GFRA2: variants seen among roughly 807,000 people sequenced by gnomAD.
GFRA2 encodes GDNF family receptor alpha 2.
GFRA2 carries 17 observed loss-of-function variants against 48.3 expected under a neutral mutation model. That is an observed-to-expected ratio of 0.35 (90% CI 0.24 to 0.53). The LOEUF is 0.53. Among genes scored for constraint, GFRA2 ranks in the 20% least tolerant of loss-of-function variants. The pLI is 0.93. For missense variants in GFRA2, 660 were observed against 637.3 expected (o/e 1.04, Z -0.38); for synonymous variants, 305 against 257.2 (o/e 1.19, Z -1.78).
chr8:21,756,017 T>A (rs942279055), intron 3 of GFRA2, among the ~76,000 whole-genome samples: 7 of 152,174 alleles, frequency 4.6e-5, no homozygotes, highest in Admixed American at 1.3e-4. Context: ...GGCTGGCTGC[T>A]GGCTGGAGGA....
intron 4 of GFRA2, among the ~76,000 whole-genome samples, chr8:21,736,939 A>C (rs1035449971): frequency 3.1e-5 from 2 of 64,590 alleles, no homozygotes; most frequent in Admixed American, 1.8e-4. Context: ...AGGAGAGGGG[A>C]GGGGAGGGGA....
intron 2 of GFRA2, among the ~76,000 whole-genome samples, chr8:21,804,206 AC>A (rs1807819181): frequency 6.6e-6 from 1 of 151,498 alleles, no homozygotes; most frequent in Non-Finnish European, 1.5e-5. Context: ...ACATGCACAC[AC>A]ACACACACAC....
chr8:21,800,667 G>C (rs1356162092), intron 2 of GFRA2, among the ~76,000 whole-genome samples: 4 of 152,218 alleles, frequency 2.6e-5, no homozygotes, highest in African/African-American at 9.6e-5. Context: ...GCTCACGCCT[G>C]TAATCCCAGT....
At chr8:21,801,412 C>G (rs17141514) in intron 2 of GFRA2, among the ~76,000 whole-genome samples, 17,033 of 152,168 alleles carry the variant, frequency 0.11, 1,236 homozygotes, top group African/African-American at 0.21. Context: ...ACAATGTCAT[C>G]TGCTCAGCAG....
In GFRA2 at chr8:21,709,503, C is replaced by T. The variant is rs1164393157; in HGVS notation, c.795-3462G>A. 2.0e-5 allele frequency among the ~76,000 whole-genome samples: 3 copies of T among 152,358 alleles called. No homozygotes were observed. In the East Asian group the frequency reaches 5.8e-4, roughly 29 times the overall value. ...CCTTTCTCCAAATACACATCGAGCC[C>T]TGCCGCGTGGCTAACAGACAAAAGA... is the stretch of plus-strand genomic sequence containing the variant. On this transcript the variant is annotated intron_variant, in intron 4 of 8. Transcript: ENST00000524240.
intron 4 of GFRA2, among the ~76,000 whole-genome samples, chr8:21,729,739 C>A (rs1804087311): frequency 1.3e-5 from 2 of 152,292 alleles, no homozygotes; most frequent in East Asian, 1.9e-4. Context: ...AATCCGCACA[C>A]TGAGTCTCCC....
At chr8:21,808,593 T>C (rs1445187587) in intron 1 of GFRA2, among the ~76,000 whole-genome samples, 1 of 152,174 alleles carries the variant, frequency 6.6e-6, no homozygotes, top group East Asian at 1.9e-4. Context: ...CCAGCGCAGG[T>C]CCAGGCACAA....
intron 3 of GFRA2, among the ~76,000 whole-genome samples, chr8:21,756,673 C>T (rs1244443329): frequency 9.9e-5 from 15 of 152,226 alleles, no homozygotes; most frequent in Non-Finnish European, 2.2e-4. Context: ...ACAAACCTCA[C>T]CTACCAAGAC....
chr8:21,770,094 A>C (rs1806373040), intron 3 of GFRA2, among the ~76,000 whole-genome samples: 2 of 151,984 alleles, frequency 1.3e-5, no homozygotes, highest in African/African-American at 4.8e-5. Context: ...GGCCGTCCCC[A>C]CCCAAGACTC....
At chr8:21,782,332 A>C (rs1585337421) in intron 2 of GFRA2, among the ~76,000 whole-genome samples, 3 of 50,710 alleles carry the variant, frequency 5.9e-5, no homozygotes, top group Non-Finnish European at 1.1e-4. Flanking sequence ...TCCTCCTCCC[A>C]CCACCTCCCT....
At chr8:21,705,379 G>A (rs1365679652) in intron 5 of GFRA2, among the ~76,000 whole-genome samples, 1 of 152,166 alleles carries the variant, frequency 6.6e-6, no homozygotes, top group Non-Finnish European at 1.5e-5. Flanking sequence ...CAGAGAAGAT[G>A]CCCTGGAGCC....
chr8:21,726,987 T>G (rs549406132), intron 4 of GFRA2, among the ~76,000 whole-genome samples: 68 of 152,254 alleles, frequency 4.5e-4, no homozygotes, highest in Non-Finnish European at 7.6e-4. Flanking sequence ...CCTGACCTCG[T>G]GATCCACCTG....
intron 4 of GFRA2, among the ~76,000 whole-genome samples, chr8:21,736,076 C>G (rs1180456828): frequency 1.3e-5 from 2 of 152,168 alleles, no homozygotes; most frequent in South Asian, 2.1e-4. Flanking sequence ...GTTGGGGATC[C>G]AAGAGCTCTC....
At chr8:21,784,747 T>A (rs995133510) in intron 1 of GFRA2, among the ~76,000 whole-genome samples, 51 of 152,156 alleles carry the variant, frequency 3.4e-4, no homozygotes, top group African/African-American at 1.2e-3. Context: ...ACAGGAAGGC[T>A]GATGGATGTG....
intron 3 of GFRA2, among the ~76,000 whole-genome samples, chr8:21,767,216 A>G (rs1563257408): frequency 7.7e-6 from 1 of 130,202 alleles, no homozygotes; most frequent in African/African-American, 3.1e-5. Context: ...CACCATGCCC[A>G]AACACACACA....
At chr8:21,767,146 ACATG>A (rs1806205621) in intron 3 of GFRA2, among the ~76,000 whole-genome samples, 2 of 133,734 alleles carry the variant, frequency 1.5e-5, no homozygotes, top group African/African-American at 5.5e-5. Flanking sequence ...ACCACCACAC[ACATG>A]CATCACATAT....
rs1807063397 is a variant in GFRA2 at position 21,782,582 on chromosome 8, T to C, written c.355+3A>G. ...CCCTTGGGCAAGCCCCGCCCAGGCTTACCCTCGGTCAGCCCCAGGTGGATG... is the reference window on the plus strand; with the variant it reads ...CCCTTGGGCAAGCCCCGCCCAGGCTCACCCTCGGTCAGCCCCAGGTGGATG... On this transcript the variant is annotated splice_donor_region_variant and intron_variant, in intron 2 of 8. Coordinates refer to ENST00000524240, the MANE Select transcript of GFRA2 (RefSeq NM_001495.5). 1.3e-6 allele frequency: 2 copies of C among 1,565,082 alleles called. No individual in the cohort carries two copies. The highest frequency in any genetic ancestry group is 1.7e-6 in the Non-Finnish European group (2 of 1,153,634).
At chr8:21,744,819 C>T (rs1248102873) in intron 4 of GFRA2, among the ~76,000 whole-genome samples, 1 of 152,248 alleles carries the variant, frequency 6.6e-6, no homozygotes, top group East Asian at 1.9e-4. Flanking sequence ...GTCCACAGCC[C>T]TAAGGCTCGT....
rs1482942119 is a variant in GFRA2, at chr8:21,694,508, G to A, written c.1228C>T (p.Leu410=). 1.2e-6 allele frequency: 2 copies of A among 1,611,148 alleles called. No individual in the cohort carries two copies. The highest frequency in any genetic ancestry group is 1.7e-6 in the Non-Finnish European group (2 of 1,178,982). The change falls in exon 8 of 9, where the codon CTG becomes TTG. Residue 410 remains leucine (L), a synonymous_variant. Coordinates refer to ENST00000524240, the MANE Select transcript of GFRA2 (RefSeq NM_001495.5). ...TTCTSVQEQG[L]KANNSKELSM... Reference sequence around the variant, plus strand: ...AACTCTTTGGAGTTGTTGGCCTTCAGCCCCTGCTCCTGCGAGAGAGAAGGT... The same window carrying A: ...AACTCTTTGGAGTTGTTGGCCTTCAACCCCTGCTCCTGCGAGAGAGAAGGT...
Sources: allele counts gnomAD v4.1 joint callset (sites outside exome capture counted in the v4.1 genomes callset), GRCh38; gene constraint gnomAD v4.1.1; transcripts MANE v1.5; gene names NCBI Gene and HGNC (gene_info 2026-07-23, HGNC 2026-07-21).